The following HUWE1 variants were observed in gnomAD, a reference collection of about 807,000 sequenced individuals.
The protein encoded by HUWE1 is E3 ubiquitin-protein ligase HUWE1.
Under a neutral mutation model 299.4 loss-of-function variants are expected in HUWE1, and 18 were observed. The observed-to-expected ratio is 0.06, with a 90% confidence interval of 0.04 to 0.09. The LOEUF (loss-of-function observed/expected upper bound fraction) is 0.09. HUWE1 is among the 10% of genes least tolerant of loss of function. HUWE1 has a pLI of 1.00. For missense variants in HUWE1, 1,832 were observed against 3,462.3 expected, an observed-to-expected ratio of 0.53 and a Z score of 11.82; for synonymous variants, 1,317 against 1,286.1, an observed-to-expected ratio of 1.02 and a Z score of -0.51.
intron 3 of HUWE1, among the ~76,000 whole-genome samples, chrX:53,661,286 G>A (rs929604488): frequency 6.3e-5 from 7 of 111,762 alleles, no homozygotes; most frequent in African/African-American, 1.3e-4. Context: ...CGCCCGCCTC[G>A]GCTTCCCAAA....
intron 3 of HUWE1, among the ~76,000 whole-genome samples, chrX:53,660,870 T>G (rs781789590): frequency 3.3e-5 from 3 of 91,850 alleles, no homozygotes; most frequent in African/African-American, 1.0e-4. Flanking sequence ...ATATGATATT[T>G]TTTCATACAG....
At chrX:53,589,314 AT>A (rs782151035) in intron 36 of HUWE1, among the ~76,000 whole-genome samples, 2 of 112,289 alleles carry the variant, frequency 1.8e-5, no homozygotes, top group African/African-American at 6.5e-5. Flanking sequence ...CATTTTAGAC[AT>A]TTTAAGAGAA....
At chrX:53,638,644 T>C (rs2067372069) in intron 7 of HUWE1, among the ~76,000 whole-genome samples, 1 of 112,223 alleles carries the variant, frequency 8.9e-6, no homozygotes, top group Non-Finnish European at 1.9e-5. Flanking sequence ...TTAGTATTAA[T>C]ATTACCTGGG....
At chrX:53,594,434 G>T in intron 31 of HUWE1, 65 bp downstream of exon 31, 5 of 1,142,628 alleles carry the variant, frequency 4.4e-6, no homozygotes, top group Middle Eastern at 2.4e-4. Flanking sequence ...GCAGTGGGCT[G>T]GGAAGGCACA....
intron 74 of HUWE1, among the ~76,000 whole-genome samples, chrX:53,540,265 TTTTGGTTTCTGAGGAAGACAGCAC>T (rs782475320): frequency 1.8e-5 from 2 of 112,049 alleles, no homozygotes; most frequent in South Asian, 7.5e-4. Context: ...CTTTTCCTCA[TTTTGGTTTCTGAGGAAGACAGCAC>T]CAGGACATCA....
chrX:53,614,458 G>A lies in HUWE1; in HGVS notation c.2261+76C>T, dbSNP rs2065683461. Reference sequence around the variant, plus strand: ...ACTCTCTTGCTTTTTATAGATGAAAGTGTTCATTAAGACTTAGAGAGGTGA... The same window carrying A: ...ACTCTCTTGCTTTTTATAGATGAAAATGTTCATTAAGACTTAGAGAGGTGA... On this transcript the variant is annotated intron_variant, in intron 23 of 83. Transcript: ENST00000262854. 8.4e-6 allele frequency: 6 copies of A among 716,018 alleles called. No homozygotes were observed. The Admixed American group carries it at 1.1e-4, about 13-fold the overall frequency. 59.0% of individuals were successfully genotyped at this position (716,018 alleles called of 1,213,427 possible).
At chrX:53,533,789 CTT>C in intron 83 of HUWE1, 1 of 471,808 alleles carries the variant, frequency 2.1e-6, no homozygotes, top group Non-Finnish European at 3.8e-6. Context: ...ACCATGCTCT[CTT>C]GTGGTGCTGT....
At chrX:53,657,918 G>A (rs1170755278) in intron 3 of HUWE1, among the ~76,000 whole-genome samples, 7 of 107,253 alleles carry the variant, frequency 6.5e-5, no homozygotes, top group African/African-American at 2.4e-4. Context: ...GCGTGGTGGC[G>A]GGCGCCTGTA....
chrX:53,537,436 G>A (rs2061116086), intron 78 of HUWE1, 120 bp downstream of exon 78: 1 of 746,445 alleles, frequency 1.3e-6, no homozygotes, highest in African/African-American at 2.1e-5. Context: ...AGATTCCTAT[G>A]GGGAATTCCT....
chrX:53,545,002 CCCAG>C lies in HUWE1; in HGVS notation c.11048+23_11048+26del, dbSNP rs782028657. 1.1e-3 allele frequency: 1,368 copies of C among 1,204,924 alleles called. 1 individual carries two copies. The highest frequency in any genetic ancestry group is 2.2e-3 in the South Asian group (122 of 56,529). On this transcript the variant is annotated intron_variant, in intron 71 of 83. Coordinates refer to ENST00000262854, the MANE Select transcript of HUWE1 (RefSeq NM_031407.7). ...TTCCAGAATATCCCAGATTCAAGCC[CCCAG>C]CCAAAGGGTGGCTACCACCCACCTG...
At chrX:53,678,800 A>G (rs1383112351) in intron 3 of HUWE1, among the ~76,000 whole-genome samples, 2 of 112,008 alleles carry the variant, frequency 1.8e-5, no homozygotes, top group African/African-American at 6.5e-5. Flanking sequence ...CACCTAAGGA[A>G]ATTGAAACCA....
At chrX:53,603,009 G>A (rs1556992715) in intron 27 of HUWE1, among the ~76,000 whole-genome samples, 4 of 109,842 alleles carry the variant, frequency 3.6e-5, no homozygotes. Context: ...CCGCCATTAC[G>A]CCCAGCTAAT....
At chrX:53,533,763 G>A (rs1247621891) in intron 83 of HUWE1, 7 of 447,374 alleles carry the variant, frequency 1.6e-5, no homozygotes, top group Non-Finnish European at 2.4e-5. Flanking sequence ...CTCCAGTCAC[G>A]CTGGCCCTGG....
At chrX:53,648,338 A>G in intron 4 of HUWE1, 28 bp from the exon 5 acceptor site, 1 of 919,664 alleles carries the variant, frequency 1.1e-6, no homozygotes, top group Non-Finnish European at 1.6e-6. Context: ...TTCACAAAAG[A>G]TGTTTTGGAA....
chrX:53,631,348 A>AGT, intron 11 of HUWE1, 66 bp downstream of exon 11: 1 of 855,897 alleles, frequency 1.2e-6, no homozygotes, highest in Middle Eastern at 3.3e-4. Context: ...CTCCCACCCC[A>AGT]GTACATATCA....
intron 3 of HUWE1, among the ~76,000 whole-genome samples, chrX:53,676,319 G>C (rs1439086701): frequency 2.7e-5 from 3 of 111,151 alleles, no homozygotes; most frequent in Non-Finnish European, 5.7e-5. Context: ...AGGTTAACTT[G>C]CCCAAACTGA....
Position 53,550,888 on chromosome X carries a change from C to T in HUWE1, c.9385+13G>A. 1 of 1,211,370 alleles carries T rather than the reference C, an allele frequency of 8.3e-7. No individual in the cohort carries two copies. Reference sequence around the variant, plus strand: ...AAGCTTTCCAGAGCCCTCCCACTTGCCTCCCTCTGTACCCGGGCTTCGGAG... The same window carrying T: ...AAGCTTTCCAGAGCCCTCCCACTTGTCTCCCTCTGTACCCGGGCTTCGGAG... On this transcript the variant is annotated intron_variant, in intron 65 of 83. Coordinates refer to ENST00000262854, the MANE Select transcript of HUWE1 (RefSeq NM_031407.7).
At chrX:53,625,537 A>G (rs1239133897) in intron 17 of HUWE1, 1 of 261,994 alleles carries the variant, frequency 3.8e-6, no homozygotes, top group Admixed American at 6.1e-5. Flanking sequence ...CTCAGTTCCC[A>G]TTTTGGATAT....
chrX:53,590,971 G>C, intron 34 of HUWE1, 29 bp downstream of exon 34: 1 of 1,209,826 alleles, frequency 8.3e-7, no homozygotes, highest in Non-Finnish European at 1.1e-6. Context: ...CCAATATCCT[G>C]GAAAATCACT....
Sources: allele counts gnomAD v4.1 joint callset (sites outside exome capture counted in the v4.1 genomes callset), GRCh38; gene constraint gnomAD v4.1.1; transcripts MANE v1.5; gene names NCBI Gene and HGNC (gene_info 2026-07-23, HGNC 2026-07-21).